Variants in ZMYND8 observed in about 807,000 individuals in gnomAD.
The protein encoded by ZMYND8 is zinc finger MYND-type containing 8.
ZMYND8 carries 37 observed loss-of-function variants against 140.8 expected under a neutral mutation model. That is an observed-to-expected ratio of 0.26 (90% CI 0.20 to 0.35). The LOEUF (loss-of-function observed/expected upper bound fraction) is 0.35, where lower values mean the gene tolerates loss of function less well. Among genes scored for constraint, ZMYND8 ranks in the 10% least tolerant of loss-of-function variants. ZMYND8 has a pLI of 1.00. For missense variants in ZMYND8, 1,068 were observed against 1,570.0 expected, an observed-to-expected ratio of 0.68 and a Z score of 5.40; for synonymous variants, 592 against 597.1, an observed-to-expected ratio of 0.99 and a Z score of 0.12.
intron 2 of ZMYND8, among the ~76,000 whole-genome samples, chr20:47,312,914 T>G (rs1248819465): frequency 2.0e-5 from 3 of 151,996 alleles, no homozygotes; most frequent in Non-Finnish European, 4.4e-5. Flanking sequence ...AAACTTTTTC[T>G]CCACTTGGCC....
intron 17 of ZMYND8, 64 bp downstream of exon 17, chr20:47,229,662 A>G: frequency 1.3e-6 from 2 of 1,502,834 alleles, no homozygotes; most frequent in South Asian, 2.3e-5. Context: ...TCTTCATGGT[A>G]CCACCTTTAA....
intron 21 of ZMYND8, among the ~76,000 whole-genome samples, chr20:47,217,824 G>T (rs971318256): frequency 6.6e-6 from 1 of 150,954 alleles, no homozygotes; most frequent in Non-Finnish European, 1.5e-5. Context: ...ACGAAGATAG[G>T]CATTTATCTG....
intron 22 of ZMYND8, among the ~76,000 whole-genome samples, chr20:47,212,207 C>T (rs536204349): frequency 7.9e-5 from 12 of 152,278 alleles, no homozygotes; most frequent in Admixed American, 3.3e-4. Flanking sequence ...CTGGTGAGGG[C>T]AGAGACCACC....
In ZMYND8 at chr20:47,290,287, G is replaced by C. The variant is rs375577014; in HGVS notation, c.661-13C>G. 1.6e-5 allele frequency: 26 copies of C among 1,612,360 alleles called. No individual in the cohort carries two copies. The highest frequency in any genetic ancestry group is 2.2e-5 in the Non-Finnish European group (26 of 1,179,240). The stretch of plus-strand genomic sequence containing the variant: ...TCTTTTTCGCATTCTGGGAAGAAAA[G>C]CGATGGAGCATAATCACAGTGAGTC... On this transcript the variant is annotated splice_polypyrimidine_tract_variant and intron_variant, in intron 6 of 22. Coordinates refer to ENST00000471951, the MANE Select transcript of ZMYND8 (RefSeq NM_001281775.3).
chr20:47,297,267 CT>C (rs1181262424), intron 4 of ZMYND8, among the ~76,000 whole-genome samples: 1 of 152,160 alleles, frequency 6.6e-6, no homozygotes, highest in African/African-American at 2.4e-5. Context: ...TGTCTACTTT[CT>C]TTTTATGTAT....
chr20:47,228,037 G>A (rs1601005937), intron 17 of ZMYND8, among the ~76,000 whole-genome samples: 1 of 150,536 alleles, frequency 6.6e-6, no homozygotes, highest in Non-Finnish European at 1.5e-5. Flanking sequence ...AGGTTGCAGT[G>A]AGCCAAGATC....
intron 15 of ZMYND8, chr20:47,238,355 C>A (rs766492113): frequency 2.7e-5 from 5 of 183,586 alleles, no homozygotes; most frequent in East Asian, 1.6e-4. Flanking sequence ...ATACATGATG[C>A]GCACATATAT....
intron 10 of ZMYND8, among the ~76,000 whole-genome samples, chr20:47,278,997 G>C (rs1473262356): frequency 6.6e-6 from 1 of 151,636 alleles, no homozygotes; most frequent in Non-Finnish European, 1.5e-5. Flanking sequence ...TCAAGAGGCA[G>C]GGCCACCAGG....
chr20:47,291,726 G>A (rs1351936871), intron 6 of ZMYND8, 70 bp downstream of exon 6: 3 of 1,204,110 alleles, frequency 2.5e-6, no homozygotes, highest in East Asian at 2.5e-5. Context: ...TAGAGCATAG[G>A]CAGTGAGGGA....
At chr20:47,253,831 G>GA (rs1339536695) in intron 12 of ZMYND8, among the ~76,000 whole-genome samples, 2 of 152,226 alleles carry the variant, frequency 1.3e-5, no homozygotes, top group South Asian at 2.1e-4. Flanking sequence ...CTGAGCACTG[G>GA]AATGTTCATA....
At chr20:47,305,789 C>T (rs2078435906) in intron 3 of ZMYND8, among the ~76,000 whole-genome samples, 1 of 152,022 alleles carries the variant, frequency 6.6e-6, no homozygotes, top group East Asian at 1.9e-4. Context: ...TCCTTTAATG[C>T]AAGGGAAAAA....
At chr20:47,284,807 C>A (rs1415924313) in intron 8 of ZMYND8, among the ~76,000 whole-genome samples, 2 of 152,268 alleles carry the variant, frequency 1.3e-5, no homozygotes, top group Middle Eastern at 3.4e-3. Context: ...AAGCTCCCTT[C>A]TTGGATCTCA....
rs747619821 is a variant in ZMYND8 at position 47,290,251 on chromosome 20, G to A, written c.684C>T (p.Gly228=). The change falls in exon 7 of 23, where the codon GGC becomes GGT. Residue 228 remains glycine, a synonymous_variant. Transcript: ENST00000471951. ...CATCAGCCAGGAAGGCTTCTGTGCA[G>A]CCATACATTTTCTTTTTCGCATTCT... ...LEKNAKKKMY[G]CTEAFLADAK... is the part of the protein sequence containing the mutation. 5 of 1,613,274 alleles carry A rather than the reference G, an allele frequency of 3.1e-6. No individual in the cohort carries two copies. The highest frequency in any genetic ancestry group is 1.3e-5 in the African/African-American group (1 of 74,892).
intron 2 of ZMYND8, among the ~76,000 whole-genome samples, chr20:47,343,765 G>A (rs1426448390): frequency 6.6e-6 from 1 of 152,130 alleles, no homozygotes; most frequent in Non-Finnish European, 1.5e-5. Context: ...CCAAAGTGCT[G>A]GGATTACAGG....
At chr20:47,234,003 T>C (rs2038889795) in intron 16 of ZMYND8, among the ~76,000 whole-genome samples, 1 of 152,196 alleles carries the variant, frequency 6.6e-6, no homozygotes. Context: ...GTGTCACTTC[T>C]GTGACTGGCC....
chr20:47,334,107 T>C (rs2081197200), intron 2 of ZMYND8, among the ~76,000 whole-genome samples: 1 of 152,176 alleles, frequency 6.6e-6, no homozygotes, highest in African/African-American at 2.4e-5. Context: ...GTGTTGACTC[T>C]CTCATGTAAT....
At chr20:47,328,608 C>T (rs1389671133) in intron 2 of ZMYND8, among the ~76,000 whole-genome samples, 3 of 152,060 alleles carry the variant, frequency 2.0e-5, no homozygotes, top group Admixed American at 6.6e-5. Flanking sequence ...GGATTACAGG[C>T]GCGTGCCACC....
chr20:47,224,260 G>A, intron 19 of ZMYND8, 57 bp downstream of exon 19: 1 of 1,605,764 alleles, frequency 6.2e-7, no homozygotes, highest in Non-Finnish European at 8.5e-7. Context: ...GTCCACAGGG[G>A]AGACCAATGC....
At position 47,298,909 on chromosome 20, in the gene ZMYND8, C is replaced by T; in HGVS notation, c.273G>A (p.Gln91=). Residue 91 remains glutamine, a synonymous_variant, in exon 4 of 23, where the codon CAG becomes CAA. Transcript: ENST00000471951. The surrounding 1 kb of genome is among the most constrained non-coding windows in gnomAD (Gnocchi z 5.0). ...LRHGPFYYMK[Q]PLTTDPVDVV... is the part of the protein sequence containing the mutation. ...CATCAACAGGGTCTGTGGTGAGTGG[C>T]TGCTTCATATAGTAAAACGGACCAT... 1 of 1,614,170 alleles carries T rather than the reference C, an allele frequency of 6.2e-7. No individual in the cohort carries two copies. Among genetic ancestry groups the T allele is most frequent in the Non-Finnish European group, 8.5e-7 (1 of 1,180,038 alleles).
Sources: allele counts gnomAD v4.1 joint callset (sites outside exome capture counted in the v4.1 genomes callset), GRCh38; gene constraint gnomAD v4.1.1; non-coding constraint Gnocchi (gnomAD v3.1); transcripts MANE v1.5; gene names NCBI Gene and HGNC (gene_info 2026-07-23, HGNC 2026-07-21).